The following ZNF763 variants were observed in gnomAD, a reference collection of about 807,000 sequenced individuals.
ZNF763 encodes the protein DNA-binding protein.
A neutral mutation model predicts 38.0 loss-of-function variants in ZNF763; 33 were observed. The ratio of observed to expected loss-of-function variants is 0.87; its 90% confidence interval spans 0.66 to 1.16. ZNF763 has a LOEUF of 1.16. ZNF763 is among the 50% of genes most tolerant of loss of function. ZNF763 has a pLI of 0.00. For synonymous variants in ZNF763, 155 were observed against 160.1 expected (o/e 0.97, Z 0.24); for missense variants, 423 against 469.1 (o/e 0.90, Z 0.91).
intron 1 of ZNF763, among the ~76,000 whole-genome samples, chr19:11,973,111 T>A (rs1406488192): frequency 1.3e-5 from 2 of 152,194 alleles, no homozygotes; most frequent in East Asian, 1.9e-4. Context: ...TACATGTGTC[T>A]TGTATCCACC....
intron 1 of ZNF763, among the ~76,000 whole-genome samples, chr19:11,970,156 T>C (rs1402380434): frequency 6.6e-6 from 1 of 152,240 alleles, no homozygotes; most frequent in East Asian, 1.9e-4. Flanking sequence ...TGGAGACACA[T>C]GGCTGTTCTG....
In ZNF763 at chr19:11,965,092, TC is replaced by T; in HGVS notation, c.-113del. ...CGGTGGTTGATATCCGCTGTATCCA[TC>T]CCCGAGAGGGACCTGGTACCTCTAC... On this transcript the variant is annotated 5_prime_UTR_variant, in exon 1 of 4. Transcript: ENST00000358987. The T allele has an allele frequency of 7.3e-7, 1 of 1,371,386 alleles. No homozygotes were observed. The highest frequency in any genetic ancestry group is 1.0e-6 in the Non-Finnish European group (1 of 970,398). 85.0% of individuals were successfully genotyped at this position (1,371,386 alleles called of 1,614,324 possible).
chr19:11,975,553 G>A (rs1005823306), intron 1 of ZNF763, among the ~76,000 whole-genome samples: 44 of 151,802 alleles, frequency 2.9e-4, no homozygotes, highest in African/African-American at 9.7e-4. Context: ...GCCCGCCACC[G>A]CGTCCAGCCA....
chr19:11,968,854 A>G (rs972949207), intron 1 of ZNF763, among the ~76,000 whole-genome samples: 6 of 152,146 alleles, frequency 3.9e-5, no homozygotes, highest in Non-Finnish European at 5.9e-5. Context: ...CCCCATCTCA[A>G]TTGTGAAAAA....
chr19:11,973,405 A>C (rs1973390573), intron 1 of ZNF763, among the ~76,000 whole-genome samples: 1 of 152,128 alleles, frequency 6.6e-6, no homozygotes, highest in African/African-American at 2.4e-5. Flanking sequence ...TTTATCTAAA[A>C]AAATTTTGTT....
chr19:11,976,055 C>A (rs977994566), intron 1 of ZNF763, among the ~76,000 whole-genome samples: 1 of 146,534 alleles, frequency 6.8e-6, no homozygotes, highest in African/African-American at 2.6e-5. Context: ...CTCTCTGCTT[C>A]TATCTAGCAT....
chr19:11,966,700 T>G (rs563826019), intron 1 of ZNF763, among the ~76,000 whole-genome samples: 1 of 152,280 alleles, frequency 6.6e-6, no homozygotes, highest in African/African-American at 2.4e-5. Context: ...AGTTTGCAGG[T>G]TGAAGACTGG....
At position 11,974,155 on chromosome 19, in the gene ZNF763, T is replaced by C. The variant is rs12977365; in HGVS notation, c.4-2883T>C. Among the ~76,000 whole-genome samples, 386 of 115,498 alleles carry C rather than the reference T, an allele frequency of 3.3e-3. 1 individual carries two copies. The highest frequency in any genetic ancestry group is 4.6e-3 in the African/African-American group (96 of 20,770). 75.8% of individuals were successfully genotyped at this position (115,498 alleles called of 152,430 possible). ...CTTTCTTTCTTTCTTTCTTTCTTTC[T>C]TTCCTTCCTTCCTTCCTTCCTTCTT... On this transcript the variant is annotated intron_variant, in intron 1 of 3. Transcript: ENST00000358987.
rs1344328665 is a variant in ZNF763 at position 11,978,995 on chromosome 19, A to G, written c.1071A>G (p.Arg357=). 1.2e-6 allele frequency: 2 copies of G among 1,614,208 alleles called. No homozygotes were observed. The highest frequency in any genetic ancestry group is 1.3e-5 in the African/African-American group (1 of 75,040). Residue 357 remains arginine (R), a synonymous_variant, in exon 4 of 4, where the codon AGA becomes AGG. Coordinates refer to ENST00000358987, the MANE Select transcript of ZNF763 (RefSeq NM_001367172.2). ...TCACGTATCCCAGTTCCCTTCGTAG[A>G]CATGAAAGGACCCACTCTGCGAAAA... ...KAFTYPSSLR[R]HERTHSAKKP... is the part of the protein sequence containing the mutation.
rs1344524604 is a variant in ZNF763, at chr19:11,980,557, A to AT, written c.*1455dup. ...AAATTCATTTATACCTTAGAAAGCTATTTTTTTCAGGTTGGTTTAGTGAGT... is the reference window on the plus strand; with the variant it reads ...AAATTCATTTATACCTTAGAAAGCTATTTTTTTTCAGGTTGGTTTAGTGAGT... On this transcript the variant is annotated 3_prime_UTR_variant, in exon 4 of 4. Transcript: ENST00000358987. Among the ~76,000 whole-genome samples, 2 of 152,062 alleles carry AT rather than the reference A, an allele frequency of 1.3e-5. No individual in the cohort carries two copies. Among genetic ancestry groups the AT allele is most frequent in the African/African-American group, 2.4e-5 (1 of 41,356 alleles).
At position 11,977,403 on chromosome 19, in the gene ZNF763, G is replaced by A; in HGVS notation, c.163G>A (p.Glu55Lys). ...GTGGAAAGACCAGAACATTGAATAT[G>A]AGTACCAAAACCCCAGGAGAAACTT... is the stretch of plus-strand genomic sequence containing the variant. Reference protein sequence around the residue: ...KKWKDQNIEYEYQNPRRNFRS... With the variant: ...KKWKDQNIEYKYQNPRRNFRS... Residue 55 changes from glutamate to lysine, a missense_variant, in exon 3 of 4, where the codon GAG becomes AAG. By Grantham distance (56) the Glu-to-Lys change is moderately conservative (BLOSUM62 1). Transcript: ENST00000358987. 4 of 1,614,016 alleles carry A rather than the reference G, an allele frequency of 2.5e-6. No homozygotes were observed. Among genetic ancestry groups the A allele is most frequent in the Non-Finnish European group, 3.4e-6 (4 of 1,179,936 alleles).
chr19:11,968,561 G>C (rs1232054026), intron 1 of ZNF763, among the ~76,000 whole-genome samples: 1 of 152,154 alleles, frequency 6.6e-6, no homozygotes, highest in Non-Finnish European at 1.5e-5. Context: ...ATTTGTAGTG[G>C]TTTGCTTTTT....
In ZNF763 at chr19:11,977,172, T is replaced by C. The variant is rs768647954; in HGVS notation, c.130+8T>C. 4.3e-6 allele frequency: 7 copies of C among 1,613,908 alleles called. No homozygotes were observed. In the South Asian group the frequency reaches 5.5e-5, roughly 13 times the overall value. The stretch of plus-strand genomic sequence containing the variant: ...GGAACCTGACCTCTATAGGTAAGGA[T>C]GACAATATTCCTTCCCTCAGTCCAT... On this transcript the variant is annotated splice_region_variant and intron_variant, in intron 2 of 3. Transcript: ENST00000358987.
At chr19:11,968,527 C>G (rs1471200945) in intron 1 of ZNF763, among the ~76,000 whole-genome samples, 1 of 152,188 alleles carries the variant, frequency 6.6e-6, no homozygotes, top group Non-Finnish European at 1.5e-5. Flanking sequence ...TAGACATGAG[C>G]AAATGCATGT....
At chr19:11,974,077 CTTT>C (rs1973410912) in intron 1 of ZNF763, among the ~76,000 whole-genome samples, 1 of 67,310 alleles carries the variant, frequency 1.5e-5, no homozygotes, top group Non-Finnish European at 3.1e-5. Context: ...TCTTTTCTTT[CTTT>C]CTTTCTTTCT....
chr19:11,967,703 CCT>C (rs1439961623), intron 1 of ZNF763, among the ~76,000 whole-genome samples: 1 of 152,074 alleles, frequency 6.6e-6, no homozygotes, highest in African/African-American at 2.4e-5. Context: ...ATGTCCGGCC[CCT>C]GTCTCTATTT....
intron 1 of ZNF763, among the ~76,000 whole-genome samples, chr19:11,971,223 G>A (rs531200959): frequency 5.9e-5 from 9 of 152,306 alleles, no homozygotes; most frequent in South Asian, 2.1e-4. Flanking sequence ...GTAATGGCCC[G>A]CTTCCTGGTT....
At position 11,979,494 on chromosome 19, in the gene ZNF763, C is replaced by T. The variant is rs1973575302; in HGVS notation, c.*385C>T. On this transcript the variant is annotated 3_prime_UTR_variant, in exon 4 of 4. Transcript: ENST00000358987. ...ACATGTGGGAAAGGCTTTTATTCTC[C>T]CACGTCATTTCAAAGACATGAAAAA... The T allele has an allele frequency of 1.2e-6, 2 of 1,601,894 alleles. No homozygotes were observed. The highest frequency in any genetic ancestry group is 1.7e-6 in the Non-Finnish European group (2 of 1,171,870).
At chr19:11,971,129 G>A (rs1973342194) in intron 1 of ZNF763, among the ~76,000 whole-genome samples, 1 of 152,126 alleles carries the variant, frequency 6.6e-6, no homozygotes, top group Admixed American at 6.6e-5. Context: ...CATAGACTGG[G>A]TAACTTAAAG....
Sources: gnomAD v4.1 joint callset for allele counts (sites outside exome capture counted in the v4.1 genomes callset) on GRCh38, gnomAD v4.1.1 for gene constraint, MANE v1.5 for transcripts, NCBI Gene and HGNC (gene_info 2026-07-23, HGNC 2026-07-21) for gene names.